THSD4: variants seen among roughly 807,000 people sequenced by gnomAD.
The protein encoded by THSD4 is thrombospondin type 1 domain containing 4.
A neutral mutation model predicts 119.0 loss-of-function variants in THSD4; 69 were observed. That is an observed-to-expected ratio of 0.58 (90% CI 0.48 to 0.71). THSD4 has a LOEUF of 0.71. Ranked by LOEUF, THSD4 falls within the 30% of genes least tolerant of loss-of-function variation. The probability of loss-of-function intolerance (pLI) is 0.00; values close to 1 mark genes in which losing one functional copy is unlikely to be tolerated. For missense variants in THSD4, 1,393 were observed against 1,391.1 expected, an observed-to-expected ratio of 1.00 and a Z score of -0.02; for synonymous variants, 524 against 540.4, an observed-to-expected ratio of 0.97 and a Z score of 0.42.
At chr15:71,565,798 AGGG>A (rs939695028) in intron 7 of THSD4, among the ~76,000 whole-genome samples, 1 of 152,226 alleles carries the variant, frequency 6.6e-6, no homozygotes, top group African/African-American at 2.4e-5. Context: ...AATGGAAACA[AGGG>A]GGAAGCATCG....
chr15:71,702,101 G>A (rs1350157761), intron 8 of THSD4, among the ~76,000 whole-genome samples: 2 of 152,112 alleles, frequency 1.3e-5, no homozygotes, highest in Non-Finnish European at 2.9e-5. Context: ...AAATCCATCC[G>A]TGACTTCCTC....
At chr15:71,542,991 GT>G (rs145410821) in intron 7 of THSD4, among the ~76,000 whole-genome samples, 2,416 of 152,256 alleles carry the variant, frequency 0.016, 66 homozygotes, top group African/African-American at 0.054. Flanking sequence ...CTGAGAAATG[GT>G]CACAGACCAG....
chr15:71,116,705 C>T (rs1180742669), intron 1 of THSD4, among the ~76,000 whole-genome samples: 2 of 152,076 alleles, frequency 1.3e-5, no homozygotes, highest in Non-Finnish European at 2.9e-5. Flanking sequence ...TCTAAGGAAT[C>T]GCCTTGTCCA....
At chr15:71,450,145 C>T (rs1301590463) in intron 7 of THSD4, among the ~76,000 whole-genome samples, 5 of 152,172 alleles carry the variant, frequency 3.3e-5, no homozygotes, top group South Asian at 2.1e-4. Context: ...TCAAGGATGG[C>T]AGACCTGTTG....
At chr15:71,657,084 G>A (rs2051206104) in intron 7 of THSD4, among the ~76,000 whole-genome samples, 1 of 152,116 alleles carries the variant, frequency 6.6e-6, no homozygotes, top group Admixed American at 6.5e-5. Context: ...AAGGAGATTT[G>A]ATCCTGTCCA....
intron 4 of THSD4, among the ~76,000 whole-genome samples, chr15:71,237,685 G>C (rs771698521): frequency 6.6e-6 from 1 of 152,172 alleles, no homozygotes; most frequent in Non-Finnish European, 1.5e-5. Context: ...AGGCACATGG[G>C]GTTGATGCTC....
At chr15:71,646,464 G>A (rs2050970212) in intron 7 of THSD4, among the ~76,000 whole-genome samples, 1 of 152,064 alleles carries the variant, frequency 6.6e-6, no homozygotes, top group Admixed American at 6.6e-5. Flanking sequence ...GTATATTCAG[G>A]CCATTCTCTA....
At chr15:71,603,823 C>T (rs1217730383) in intron 7 of THSD4, among the ~76,000 whole-genome samples, 1 of 152,068 alleles carries the variant, frequency 6.6e-6, no homozygotes, top group African/African-American at 2.4e-5. Flanking sequence ...GTTCTTCTGG[C>T]AGTATATAAA....
chr15:71,552,438 A>G (rs1310046226), intron 7 of THSD4, among the ~76,000 whole-genome samples: 2 of 152,198 alleles, frequency 1.3e-5, no homozygotes, highest in Non-Finnish European at 2.9e-5. Flanking sequence ...CTAGAGTGTT[A>G]TTTGTGGCAA....
At chr15:71,129,555 C>G (rs767776391) in intron 1 of THSD4, among the ~76,000 whole-genome samples, 3 of 152,158 alleles carry the variant, frequency 2.0e-5, no homozygotes, top group Non-Finnish European at 4.4e-5. Flanking sequence ...CCCTTGACCT[C>G]CAAGGATGTG....
chr15:71,754,631 G>A (rs1210994009), intron 14 of THSD4, among the ~76,000 whole-genome samples: 1 of 152,076 alleles, frequency 6.6e-6, no homozygotes, highest in Non-Finnish European at 1.5e-5. Context: ...AATAGCAAAG[G>A]ACATGAAAAA....
At chr15:71,438,443 A>C (rs2047045394) in intron 7 of THSD4, among the ~76,000 whole-genome samples, 3 of 152,238 alleles carry the variant, frequency 2.0e-5, no homozygotes, top group Admixed American at 2.0e-4. Context: ...GAAGTTATTA[A>C]GAAATCATCC....
At chr15:71,422,590 A>C (rs1322449149) in intron 7 of THSD4, among the ~76,000 whole-genome samples, 1 of 152,182 alleles carries the variant, frequency 6.6e-6, no homozygotes, top group African/African-American at 2.4e-5. Context: ...AAGGGGTGAC[A>C]TGAGCACCCC....
At chr15:71,339,699 A>G (rs1566946085) in intron 6 of THSD4, among the ~76,000 whole-genome samples, 1 of 152,014 alleles carries the variant, frequency 6.6e-6, no homozygotes, top group Admixed American at 6.6e-5. Flanking sequence ...AAAAGTAACT[A>G]CCTCATAGGG....
intron 6 of THSD4, among the ~76,000 whole-genome samples, chr15:71,271,306 T>C (rs2044527979): frequency 6.6e-6 from 1 of 152,168 alleles, no homozygotes; most frequent in African/African-American, 2.4e-5. Context: ...AAGAACACAC[T>C]ACTGACACAT....
At chr15:71,372,862 C>T (rs918388977) in intron 6 of THSD4, among the ~76,000 whole-genome samples, 18 of 152,216 alleles carry the variant, frequency 1.2e-4, no homozygotes, top group African/African-American at 4.3e-4. Context: ...TCAGCTATGC[C>T]CTGCCTGCAG....
At chr15:71,580,187 C>T (rs1032692635) in intron 7 of THSD4, among the ~76,000 whole-genome samples, 1 of 152,022 alleles carries the variant, frequency 6.6e-6, no homozygotes, top group African/African-American at 2.4e-5. Context: ...GGCATGGTGA[C>T]CTGCGAGCTG....
At chr15:71,176,116 G>A (rs1443861957) in intron 3 of THSD4, among the ~76,000 whole-genome samples, 2 of 146,596 alleles carry the variant, frequency 1.4e-5, no homozygotes, top group Non-Finnish European at 3.0e-5. Context: ...CATAATGACA[G>A]GATCAAATTC....
At chr15:71,348,932 T>C (rs1402715968) in intron 6 of THSD4, among the ~76,000 whole-genome samples, 1 of 152,368 alleles carries the variant, frequency 6.6e-6, no homozygotes, top group East Asian at 1.9e-4. Context: ...ATTTTTGTTA[T>C]GAAATCTACT....
Sources: gnomAD v4.1 joint callset for allele counts (sites outside exome capture counted in the v4.1 genomes callset) on GRCh38, gnomAD v4.1.1 for gene constraint, MANE v1.5 for transcripts, NCBI Gene and HGNC (gene_info 2026-07-23, HGNC 2026-07-21) for gene names.